Variants in ACKR3 observed in about 807,000 individuals in gnomAD.
ACKR3 encodes the protein C-X-C chemokine receptor type 7.
In ACKR3, 6 loss-of-function variants were observed where a neutral mutation model predicts 22.4. The ratio of observed to expected loss-of-function variants is 0.27; its 90% CI spans 0.15 to 0.53. ACKR3 has a LOEUF of 0.53. Ranked by LOEUF, ACKR3 falls within the 20% of genes least tolerant of loss-of-function variation. The pLI is 0.96. For synonymous variants in ACKR3, 209 were observed against 205.2 expected (o/e 1.02, Z -0.16); for missense variants, 396 against 475.2 (o/e 0.83, Z 1.55).
At chr2:236,537,153 C>T in the ACKR3 span, among the ~76,000 whole-genome samples, 56 of 152,318 alleles carry the variant, frequency 3.7e-4, no homozygotes, top group African/African-American at 1.1e-3. Context: ...TGGTTAAACA[C>T]GGTGTTACCT....
the ACKR3 span, among the ~76,000 whole-genome samples, chr2:236,551,177 A>G: frequency 6.6e-6 from 1 of 152,206 alleles, no homozygotes; most frequent in Non-Finnish European, 1.5e-5. Flanking sequence ...GGAGAAGTGG[A>G]AGCTTGGTGC....
At chr2:236,548,935 C>T in the ACKR3 span, among the ~76,000 whole-genome samples, 3 of 152,230 alleles carry the variant, frequency 2.0e-5, no homozygotes, top group South Asian at 2.1e-4. This position sits in a 1 kb window ranked among gnomAD's most constrained non-coding sequence, Gnocchi z 4.3. Context: ...GCAACAAGGG[C>T]GCACATATTT....
the ACKR3 span, among the ~76,000 whole-genome samples, chr2:236,542,187 C>A: frequency 6.6e-6 from 1 of 152,218 alleles, no homozygotes; most frequent in African/African-American, 2.4e-5. Context: ...TAACAAGAGA[C>A]AGATTGCACT....
At chr2:236,560,974 T>G in the ACKR3 span, among the ~76,000 whole-genome samples, 2 of 152,226 alleles carry the variant, frequency 1.3e-5, no homozygotes, top group African/African-American at 4.8e-5. Flanking sequence ...TTACTCCGTC[T>G]TAATAAAGAA....
At chr2:236,564,648 T>A (rs759318779), upstream of ACKR3, among the ~76,000 whole-genome samples, 5 of 150,690 alleles carry the variant, frequency 3.3e-5, no homozygotes, top group Non-Finnish European at 7.4e-5. Flanking sequence ...GTCCCTGAAC[T>A]CTTACCTTAG....
At chr2:236,562,266 A>G in the ACKR3 span, among the ~76,000 whole-genome samples, 1 of 152,242 alleles carries the variant, frequency 6.6e-6, no homozygotes, top group Non-Finnish European at 1.5e-5. Flanking sequence ...TACTATTTTC[A>G]AATGTTAAAC....
intron 1 of ACKR3, among the ~76,000 whole-genome samples, chr2:236,579,192 C>T (rs1034294353): frequency 6.6e-6 from 1 of 152,202 alleles, no homozygotes; most frequent in Non-Finnish European, 1.5e-5. Context: ...GATCCCCTGA[C>T]CCTTGTCCTT....
intron 1 of ACKR3, among the ~76,000 whole-genome samples, chr2:236,571,157 G>A (rs562789416): frequency 1.3e-5 from 2 of 152,316 alleles, no homozygotes; most frequent in East Asian, 1.9e-4. Flanking sequence ...TGGATAAACT[G>A]CTTGCCCTTC....
Position 236,580,874 on chromosome 2 carries a change from T to A in ACKR3, c.409T>A (p.Cys137Ser). ...NLFGSIFFLT[C>S]MSVDRYLSIT... ...CTTCGGCAGCATTTTCTTCCTCACG[T>A]GCATGAGCGTGGACCGCTACCTCTC... Residue 137 changes from cysteine (C) to serine (S), a missense_variant, in exon 2 of 2, where the codon TGC becomes AGC. Cys to Ser is a moderately radical substitution (Grantham distance 112). Transcript: ENST00000272928. 5 of 1,614,184 alleles carry A rather than the reference T, an allele frequency of 3.1e-6. No individual in the cohort carries two copies. The highest frequency in any genetic ancestry group is 4.2e-6 in the Non-Finnish European group (5 of 1,180,036).
the ACKR3 span, among the ~76,000 whole-genome samples, chr2:236,540,937 T>C: frequency 9.2e-5 from 14 of 152,376 alleles, no homozygotes; most frequent in South Asian, 2.9e-3. Flanking sequence ...ATACCTGTTA[T>C]AGATTACTCC....
chr2:236,566,483 G>C (rs144864380), upstream of ACKR3, among the ~76,000 whole-genome samples: 57 of 152,250 alleles, frequency 3.7e-4, no homozygotes, highest in East Asian at 6.0e-3. Flanking sequence ...CATGGTAACT[G>C]TTTCAGTGAA....
At chr2:236,551,749 G>A in the ACKR3 span, among the ~76,000 whole-genome samples, 1 of 152,222 alleles carries the variant, frequency 6.6e-6, no homozygotes, top group Non-Finnish European at 1.5e-5. Context: ...GTGTGAACCA[G>A]CATTGATTTA....
the ACKR3 span, among the ~76,000 whole-genome samples, chr2:236,561,449 G>A: frequency 0.077 from 11,521 of 150,572 alleles, 469 homozygotes; most frequent in Non-Finnish European, 0.1. Context: ...CATGACTGTC[G>A]TTTGTTAAAT....
chr2:236,580,048 C>T (rs529610877), intron 1 of ACKR3, among the ~76,000 whole-genome samples: 3 of 152,180 alleles, frequency 2.0e-5, no homozygotes, highest in Non-Finnish European at 4.4e-5. Flanking sequence ...CTCCACTGTC[C>T]CCTGCTGAGA....
chr2:236,543,532 G>A, the ACKR3 span, among the ~76,000 whole-genome samples: 7 of 152,130 alleles, frequency 4.6e-5, no homozygotes, highest in Non-Finnish European at 8.8e-5. Context: ...TTATTGATAT[G>A]TCGTGAGTCC....
At chr2:236,561,512 CT>C in the ACKR3 span, among the ~76,000 whole-genome samples, 5,819 of 145,570 alleles carry the variant, frequency 0.04, 298 homozygotes, top group African/African-American at 0.12. Context: ...ACACAATTGA[CT>C]TTTTTTTTTT....
At chr2:236,560,079 A>G in the ACKR3 span, among the ~76,000 whole-genome samples, 1 of 152,250 alleles carries the variant, frequency 6.6e-6, no homozygotes, top group Non-Finnish European at 1.5e-5. Context: ...TGGGATTTTG[A>G]TTAGGACTAC....
the ACKR3 span, among the ~76,000 whole-genome samples, chr2:236,557,509 T>C: frequency 6.6e-6 from 1 of 152,284 alleles, no homozygotes. Context: ...GATGGCCATA[T>C]ATTGAAAGGA....
the ACKR3 span, among the ~76,000 whole-genome samples, chr2:236,540,591 G>A: frequency 6.6e-6 from 1 of 152,102 alleles, no homozygotes. Context: ...CAAGGTCACA[G>A]AACATTTATT....
Sources: gnomAD v4.1 joint callset for allele counts (sites outside exome capture counted in the v4.1 genomes callset) on GRCh38, gnomAD v4.1.1 for gene constraint, Gnocchi (gnomAD v3.1) non-coding constraint, MANE v1.5 for transcripts, NCBI Gene and HGNC (gene_info 2026-07-23, HGNC 2026-07-21) for gene names.